DYM: variants seen among roughly 807,000 people sequenced by gnomAD.
DYM encodes dymeclin.
A neutral mutation model predicts 93.1 loss-of-function variants in DYM; 78 were observed. The observed-to-expected ratio is 0.84, with a 90% CI of 0.70 to 1.01. DYM has a LOEUF of 1.01. Ranked by LOEUF, DYM falls within the 50% of genes least tolerant of loss-of-function variation. The pLI, the probability that DYM is intolerant of heterozygous loss-of-function variation, is 0.00. For synonymous variants in DYM, 321 were observed against 319.7 expected (o/e 1.00, Z -0.04); for missense variants, 789 against 845.0 (o/e 0.93, Z 0.82).
chr18:49,360,618 C>A (rs1328567963), intron 6 of DYM, among the ~76,000 whole-genome samples: 2 of 148,692 alleles, frequency 1.3e-5, no homozygotes, highest in Non-Finnish European at 3.0e-5. Flanking sequence ...TAAGATCCAT[C>A]TCAAAAAAAA....
At chr18:49,431,520 T>C (rs547926720) in intron 1 of DYM, among the ~76,000 whole-genome samples, 8 of 152,352 alleles carry the variant, frequency 5.3e-5, no homozygotes, top group Middle Eastern at 3.4e-3. Context: ...CTGTCTCCCT[T>C]AAATCACACT....
intron 14 of DYM, among the ~76,000 whole-genome samples, chr18:49,167,005 TG>T (rs2087973259): frequency 1.3e-5 from 2 of 149,210 alleles, no homozygotes; most frequent in Non-Finnish European, 3.0e-5. Context: ...TGTGTGTGTG[TG>T]TGTGTGTGTG....
At chr18:49,123,214 A>G (rs2082534115) in intron 15 of DYM, among the ~76,000 whole-genome samples, 1 of 152,074 alleles carries the variant, frequency 6.6e-6, no homozygotes, top group Non-Finnish European at 1.5e-5. Flanking sequence ...TTCCGCATGT[A>G]TTTTGTTATG....
At chr18:49,148,846 C>T (rs568546487) in intron 15 of DYM, among the ~76,000 whole-genome samples, 1 of 152,184 alleles carries the variant, frequency 6.6e-6, no homozygotes, top group Non-Finnish European at 1.5e-5. Context: ...TAGAGTAGCA[C>T]CAGGGACCGT....
chr18:49,080,552 C>A (rs1361637781), intron 17 of DYM, among the ~76,000 whole-genome samples: 1 of 132,354 alleles, frequency 7.6e-6, no homozygotes, highest in Non-Finnish European at 1.6e-5. Context: ...GCAGAGGCGC[C>A]CCTCACCTCC....
chr18:49,317,646 C>CTCCTCTCCTCTCCTCTCCTCTCCT (rs750848541), intron 8 of DYM, among the ~76,000 whole-genome samples: 3 of 36,608 alleles, frequency 8.2e-5, no homozygotes, highest in East Asian at 7.9e-4. Flanking sequence ...ATCCTCTCCT[C>CTCCTCTCCTCTCCTCTCCTCTCCT]TCCTTCCTTC....
chr18:49,237,903 CT>C (rs112395450), intron 13 of DYM, among the ~76,000 whole-genome samples: 309 of 144,620 alleles, frequency 2.1e-3, no homozygotes, highest in Non-Finnish European at 2.5e-3. Flanking sequence ...GTACCTTACT[CT>C]TTTTTTTTTT....
chr18:49,286,717 G>C (rs1222532261), intron 8 of DYM, 101 bp from the exon 9 acceptor site: 1 of 1,150,884 alleles, frequency 8.7e-7, no homozygotes, highest in Non-Finnish European at 1.3e-6. Flanking sequence ...GTAATGAGCA[G>C]TTCCAAAGTG....
At chr18:49,055,355 T>A (rs1036067828) in intron 17 of DYM, among the ~76,000 whole-genome samples, 4 of 152,144 alleles carry the variant, frequency 2.6e-5, no homozygotes, top group Non-Finnish European at 4.4e-5. Flanking sequence ...ACTCGTGATC[T>A]AAAAGCCATC....
chr18:49,360,619 T>C (rs2147314557), intron 6 of DYM, among the ~76,000 whole-genome samples: 1 of 146,080 alleles, frequency 6.8e-6, no homozygotes, highest in Non-Finnish European at 1.5e-5. Flanking sequence ...AAGATCCATC[T>C]CAAAAAAAAA....
chr18:49,416,923 A>G (rs1037138137), intron 2 of DYM, among the ~76,000 whole-genome samples: 4 of 152,002 alleles, frequency 2.6e-5, no homozygotes, highest in Non-Finnish European at 5.9e-5. Flanking sequence ...GAGCCCCTAC[A>G]CCCTTCAGAG....
intron 17 of DYM, among the ~76,000 whole-genome samples, chr18:49,070,700 A>G (rs1028382764): frequency 6.6e-6 from 1 of 152,250 alleles, no homozygotes; most frequent in African/African-American, 2.4e-5. Context: ...GACAACCACT[A>G]GCAGAGTGCT....
intron 17 of DYM, among the ~76,000 whole-genome samples, chr18:49,083,472 G>T (rs2078232175): frequency 6.6e-6 from 1 of 152,134 alleles, no homozygotes. Flanking sequence ...TTCTTTTCCT[G>T]TGATGTCTCT....
rs543942767 is a variant in DYM at position 49,271,704 on chromosome 18, C to T, written c.1251+474G>A. On this transcript the variant is annotated intron_variant, in intron 11 of 17. Coordinates refer to ENST00000675505, the MANE Select transcript of DYM (RefSeq NM_001353214.3). The stretch of plus-strand genomic sequence containing the variant: ...AAAATAAAAAAATGCCAAAGAGAAA[C>T]ATAAGACCAGTTTGGGAATAAAACT... Among the ~76,000 whole-genome samples, 24 of 151,138 alleles carry T rather than the reference C, an allele frequency of 1.6e-4. 1 individual carries two copies. The highest frequency in any genetic ancestry group is 2.7e-4 in the Non-Finnish European group (18 of 67,700).
chr18:49,437,281 G>C (rs189285548), intron 1 of DYM, among the ~76,000 whole-genome samples: 1 of 152,230 alleles, frequency 6.6e-6, no homozygotes, highest in East Asian at 1.9e-4. Context: ...CATAGCATAT[G>C]ACATATTCCT....
intron 15 of DYM, among the ~76,000 whole-genome samples, chr18:49,148,899 T>C (rs997089836): frequency 6.6e-6 from 1 of 152,206 alleles, no homozygotes; most frequent in Non-Finnish European, 1.5e-5. Context: ...GTGGTGCTTT[T>C]GGGATGACTC....
intron 13 of DYM, among the ~76,000 whole-genome samples, chr18:49,254,323 T>TATATATAC (rs2094349210): frequency 8.0e-6 from 1 of 124,932 alleles, no homozygotes; most frequent in East Asian, 2.3e-4. Flanking sequence ...TATATATATA[T>TATATATAC]ATACACACAT....
rs1487363551 is a variant in DYM at position 49,163,761 on chromosome 18, T to A, written c.1652A>T (p.His551Leu). ...TGTGGCTTGTTCCAGAACTTTGTTG[T>A]GTTTTTTAGACAGCAAAGAAAATAA... Reference protein sequence around the residue: ...SSLFSLLSKKHNKVLEQATQS... With the variant: ...SSLFSLLSKKLNKVLEQATQS... The change falls in exon 15 of 18, where the codon CAC becomes CTC. Residue 551 changes from histidine (H) to leucine (L), a missense_variant. Physicochemically the swap from His to Leu is moderately conservative, Grantham distance 99 (BLOSUM62 -3). Around this residue, in one of 3 missense-constraint regions of DYM, gnomAD observed 225 missense variants for 303.0 expected, o/e 0.74. Transcript: ENST00000675505. 1 of 1,611,604 alleles carries A rather than the reference T, an allele frequency of 6.2e-7. No homozygotes were observed. Among genetic ancestry groups the A allele is most frequent in the Admixed American group, 1.7e-5 (1 of 59,874 alleles).
intron 16 of DYM, 113 bp downstream of exon 16, chr18:49,118,631 T>C: frequency 1.0e-6 from 1 of 997,052 alleles, no homozygotes; most frequent in East Asian, 2.6e-5. Flanking sequence ...GCAAATACAG[T>C]TAATGTTGAA....
Sources: gnomAD v4.1 joint callset for allele counts (sites outside exome capture counted in the v4.1 genomes callset) on GRCh38, gnomAD v4.1.1 for gene constraint, gnomAD v4.1.1 regional missense constraint, MANE v1.5 for transcripts, NCBI Gene and HGNC (gene_info 2026-07-23, HGNC 2026-07-21) for gene names.